The following PLA2G6 variants were observed in gnomAD, a reference collection of about 807,000 sequenced individuals.
The protein encoded by PLA2G6 is phospholipase A2 group VI.
Under a neutral mutation model 83.8 loss-of-function variants are expected in PLA2G6, and 62 were observed. The observed-to-expected ratio is 0.74, with a 90% CI of 0.60 to 0.91. The LOEUF is 0.91. PLA2G6 is among the 40% of genes least tolerant of loss of function. The pLI is 0.00. For synonymous variants in PLA2G6, 417 were observed against 449.8 expected, an observed-to-expected ratio of 0.93 and a Z score of 0.92; for missense variants, 944 against 1,102.0, an observed-to-expected ratio of 0.86 and a Z score of 2.03.
chr22:38,125,731 T>G, intron 10 of PLA2G6: 2 of 470,580 alleles, frequency 4.3e-6, no homozygotes, highest in Non-Finnish European at 8.8e-6. Context: ...GGGAAGGCTA[T>G]TAGGAACATG....
chr22:38,168,415 G>A (rs191732995), intron 2 of PLA2G6, among the ~76,000 whole-genome samples: 17 of 152,216 alleles, frequency 1.1e-4, no homozygotes, highest in Non-Finnish European at 1.9e-4. Flanking sequence ...CCGTTGGCCC[G>A]GTTCCCTCAG....
At chr22:38,165,359 G>A (rs2145913726) in intron 2 of PLA2G6, among the ~76,000 whole-genome samples, 1 of 152,288 alleles carries the variant, frequency 6.6e-6, no homozygotes, top group South Asian at 2.1e-4. Flanking sequence ...CCCAGTGCAG[G>A]GACGGGTGCC....
chr22:38,129,991 C>G (rs2088109384), intron 7 of PLA2G6, among the ~76,000 whole-genome samples: 1 of 152,176 alleles, frequency 6.6e-6, no homozygotes. Flanking sequence ...AGGGTGTCAT[C>G]CCTGAGGGGT....
intron 2 of PLA2G6, among the ~76,000 whole-genome samples, chr22:38,151,459 T>C (rs2089556201): frequency 6.6e-6 from 1 of 152,150 alleles, no homozygotes; most frequent in African/African-American, 2.4e-5. Flanking sequence ...CAGGCTGGTC[T>C]GGAAATCCTG....
chr22:38,178,444 T>A (rs1043015423), intron 1 of PLA2G6, among the ~76,000 whole-genome samples: 1 of 152,094 alleles, frequency 6.6e-6, no homozygotes, highest in Non-Finnish European at 1.5e-5. Context: ...GTATCTCTCA[T>A]GCCTGTAAGT....
intron 2 of PLA2G6, chr22:38,148,406 A>G: frequency 1.5e-6 from 1 of 688,232 alleles, no homozygotes; most frequent in South Asian, 1.6e-5. Flanking sequence ...CAGACCACCT[A>G]CTGAGGACAG....
At chr22:38,129,223 G>A (rs191833639) in intron 8 of PLA2G6, among the ~76,000 whole-genome samples, 382 of 152,348 alleles carry the variant, frequency 2.5e-3, no homozygotes, top group Admixed American at 4.8e-3. Flanking sequence ...GGCGCTGCAC[G>A]GGAGAGGATG....
At chr22:38,134,893 C>G in intron 6 of PLA2G6, 95 bp downstream of exon 6, 2 of 817,218 alleles carry the variant, frequency 2.4e-6, no homozygotes, top group Non-Finnish European at 4.1e-6. Flanking sequence ...CAAGTGCTAG[C>G]CTCAGGGTCC....
intron 1 of PLA2G6, among the ~76,000 whole-genome samples, chr22:38,172,230 A>T (rs189846760): frequency 1.2e-3 from 178 of 152,308 alleles, no homozygotes; most frequent in African/African-American, 4.1e-3. Context: ...ATATGAGAAC[A>T]CCAAAGAACA....
chr22:38,137,936 T>A (rs2088655414), intron 5 of PLA2G6: 2 of 152,240 alleles, frequency 1.3e-5, no homozygotes, highest in Admixed American at 1.3e-4. Context: ...GCCGTGGGAT[T>A]CTTGGAGTAG....
intron 2 of PLA2G6, among the ~76,000 whole-genome samples, chr22:38,159,822 T>C (rs1331252161): frequency 6.6e-6 from 1 of 152,048 alleles, no homozygotes; most frequent in East Asian, 1.9e-4. Flanking sequence ...AGCTTTAAGA[T>C]AGAGAAGGAC....
intron 1 of PLA2G6, among the ~76,000 whole-genome samples, chr22:38,170,835 G>C (rs2090407922): frequency 6.6e-6 from 1 of 151,972 alleles, no homozygotes; most frequent in Non-Finnish European, 1.5e-5. Context: ...AAAAGCAAGG[G>C]GCCCACTAAG....
chr22:38,113,226 G>T (rs1469221903), intron 15 of PLA2G6, among the ~76,000 whole-genome samples: 1 of 152,152 alleles, frequency 6.6e-6, no homozygotes, highest in East Asian at 1.9e-4. Context: ...TCCATTCTGG[G>T]CTTCTACACT....
chr22:38,124,700 C>T (rs912370763), intron 10 of PLA2G6, among the ~76,000 whole-genome samples: 2 of 152,162 alleles, frequency 1.3e-5, no homozygotes, highest in African/African-American at 4.8e-5. Context: ...GGGCAGAAGC[C>T]GCCTCTGCTC....
At chr22:38,168,400 C>T (rs2090303486) in intron 2 of PLA2G6, among the ~76,000 whole-genome samples, 2 of 152,262 alleles carry the variant, frequency 1.3e-5, no homozygotes, top group Non-Finnish European at 2.9e-5. Context: ...TCCCAACCAG[C>T]TCTGCCGTTG....
At chr22:38,147,186 G>A (rs142011532) in intron 2 of PLA2G6, 1 of 152,364 alleles carries the variant, frequency 6.6e-6, no homozygotes, top group Non-Finnish European at 1.5e-5. Flanking sequence ...TTTGAAACAT[G>A]AGACTAACTG....
intron 3 of PLA2G6, chr22:38,143,952 CA>C (rs1569275694): frequency 5.6e-6 from 1 of 177,608 alleles, no homozygotes; most frequent in Admixed American, 5.4e-5. Flanking sequence ...CCACGTTGGC[CA>C]GGCTGGTCTC....
At chr22:38,119,605 C>T (rs752329178) in intron 12 of PLA2G6, among the ~76,000 whole-genome samples, 1 of 152,154 alleles carries the variant, frequency 6.6e-6, no homozygotes. Flanking sequence ...GCGGGAGGAT[C>T]GCCTCAGCTC....
chr22:38,137,024 C>T (rs1191817438), intron 5 of PLA2G6: 1 of 152,422 alleles, frequency 6.6e-6, no homozygotes, highest in African/African-American at 2.4e-5. Context: ...AGGCATGAGC[C>T]ACCACACTTG....
Sources: allele counts gnomAD v4.1 joint callset (sites outside exome capture counted in the v4.1 genomes callset), GRCh38; gene constraint gnomAD v4.1.1; transcripts MANE v1.5; gene names NCBI Gene and HGNC (gene_info 2026-07-23, HGNC 2026-07-21).